Variants in KCNH2 observed in about 807,000 individuals in gnomAD.
KCNH2 encodes the protein potassium voltage-gated channel subfamily H member 2.
KCNH2 carries 35 observed loss-of-function variants against 95.9 expected under a neutral mutation model. That is an observed-to-expected ratio of 0.37 (90% CI 0.28 to 0.48). The LOEUF (loss-of-function observed/expected upper bound fraction) is 0.48, where lower values mean the gene tolerates loss of function less well. Among genes scored for constraint, KCNH2 ranks in the 20% least tolerant of loss-of-function variants. The pLI, the probability that KCNH2 is intolerant of heterozygous loss-of-function variation, is 0.99. For synonymous variants in KCNH2, 786 were observed against 754.7 expected (o/e 1.04, Z -0.68); for missense variants, 1,274 against 1,702.9 (o/e 0.75, Z 4.43).
At chr7:150,971,862 A>G (rs1053942612) in intron 2 of KCNH2, among the ~76,000 whole-genome samples, 1 of 151,558 alleles carries the variant, frequency 6.6e-6, no homozygotes, top group African/African-American at 2.4e-5. Flanking sequence ...GAGAGAAGGG[A>G]CTCTGTGAGG....
intron 9 of KCNH2, chr7:150,949,752 G>T: frequency 8.4e-7 from 1 of 1,189,474 alleles, no homozygotes; most frequent in South Asian, 1.6e-5. Context: ...GTGGGGGGAG[G>T]GGGCAGGACT....
At position 150,957,484 on chromosome 7, in the gene KCNH2, C is replaced by A. The variant is rs747313232; in HGVS notation, c.935G>T (p.Arg312Leu). The A allele has an allele frequency of 6.2e-7, 1 of 1,613,752 alleles. No individual in the cohort carries two copies. Among genetic ancestry groups the A allele is most frequent in the Non-Finnish European group, 8.5e-7 (1 of 1,179,944 alleles). Residue 312 changes from arginine (R) to leucine (L), a missense_variant, in exon 5 of 15, where the codon CGC becomes CTC. Physicochemically the swap from Arg to Leu is moderately radical, Grantham distance 102 (BLOSUM62 -2). Transcript: ENST00000262186. Reference sequence around the variant, plus strand: ...CGAGGTGGAGTTGAGCAAGCCGCTGCGCAGTGGGTGCATGGCCCCTAGGTG... The same window carrying A: ...CGAGGTGGAGTTGAGCAAGCCGCTGAGCAGTGGGTGCATGGCCCCTAGGTG... Reference protein sequence around the residue: ...HASTGAMHPLRSGLLNSTSDS... With the variant: ...HASTGAMHPLLSGLLNSTSDS...
Position 150,947,656 on chromosome 7 carries a change from G to T in KCNH2, c.2915C>A (p.Pro972His), listed in dbSNP as rs1398598921. The change falls in exon 12 of 15, where the codon CCC (proline) becomes CAC (histidine). Residue 972 changes from proline (P) to histidine (H), a missense_variant. Around this residue, in one of 7 missense-constraint regions of KCNH2, gnomAD observed 457 missense variants for 416.1 expected, o/e 1.10. Transcript: ENST00000262186. Reference protein sequence around the residue: ...RPPGEPPGGEPLMEDCEKSSD... With the variant: ...RPPGEPPGGEHLMEDCEKSSD... ...GCTCTTCTCGCAGTCCTCCATCAGG[G>T]GCTCCCCACCCGGCGGCTCTCCGGG... is the stretch of plus-strand genomic sequence containing the variant. The T allele has an allele frequency of 6.2e-7, 1 of 1,611,068 alleles. No individual in the cohort carries two copies. Among genetic ancestry groups the T allele is most frequent in the Non-Finnish European group, 8.5e-7 (1 of 1,178,908 alleles).
chr7:150,948,451 C>A lies in KCNH2; in HGVS notation c.2685G>T (p.Thr895=), dbSNP rs376008424. The stretch of plus-strand genomic sequence containing the variant: ...TCCCCTCCCCCGCCTCACCCTTGTC[C>A]GTGCGCCTGCGGAAGGACAACTTGC... The part of the protein sequence containing the change: ...RKRKLSFRRR[T]DKDTEQPGEV... The change falls in exon 11 of 15, where the codon ACG becomes ACT. Residue 895 remains threonine (T), a synonymous_variant. Transcript: ENST00000262186. 5 of 1,601,334 alleles carry A rather than the reference C, an allele frequency of 3.1e-6. No individual in the cohort carries two copies. Among genetic ancestry groups the A allele is most frequent in the Non-Finnish European group, 4.3e-6 (5 of 1,175,806 alleles).
chr7:150,968,024 C>A (rs952106727), intron 2 of KCNH2, among the ~76,000 whole-genome samples: 1 of 152,184 alleles, frequency 6.6e-6, no homozygotes, highest in African/African-American at 2.4e-5. Flanking sequence ...GGCTACCAGG[C>A]CTAAGAGATG....
At chr7:150,970,965 C>T (rs1264871737) in intron 2 of KCNH2, among the ~76,000 whole-genome samples, 1 of 152,210 alleles carries the variant, frequency 6.6e-6, no homozygotes, top group Non-Finnish European at 1.5e-5. Context: ...AAGCTTCTTT[C>T]ATCCTCAGCT....
Position 150,945,264 on chromosome 7 carries a change from C to T in KCNH2, c.*101G>A. On this transcript the variant is annotated 3_prime_UTR_variant, in exon 15 of 15. Coordinates refer to ENST00000262186, the MANE Select transcript of KCNH2 (RefSeq NM_000238.4). The surrounding 1 kb of genome is among the most constrained non-coding windows in gnomAD (Gnocchi z 5.6). ...GGAGCTGTGCTTTCGAGTTCCTCTC[C>T]CCTTCCACGGTCAGGGCCTCCTGAG... The T allele has an allele frequency of 7.6e-7, 1 of 1,319,146 alleles. No homozygotes were observed. The highest frequency in any genetic ancestry group is 1.4e-5 in the South Asian group (1 of 69,452). 81.7% of individuals were successfully genotyped at this position (1,319,146 alleles called of 1,614,324 possible). A position where few individuals can be genotyped will look rare whatever the true frequency, so the allele number is the denominator to read the frequency against.
chr7:150,946,747 G>C lies in KCNH2; in HGVS notation c.3330+130C>G. ...CCTTCCTCCAGGAGGACAGGGGTGG[G>C]AGGAGGGCAGGAACAAGGTTCAGGG... On this transcript the variant is annotated intron_variant, in intron 14 of 14. Transcript: ENST00000262186. This position sits in a 1 kb window ranked among gnomAD's most constrained non-coding sequence, Gnocchi z 6.5. 1.2e-6 allele frequency: 1 copy of C among 837,712 alleles called. No individual in the cohort carries two copies. Among genetic ancestry groups the C allele is most frequent in the Non-Finnish European group, 1.9e-6 (1 of 534,488 alleles). 51.9% of individuals were successfully genotyped at this position (837,712 alleles called of 1,614,324 possible).
chr7:150,955,535 C>T (rs1399086410), intron 5 of KCNH2: 2 of 1,530,102 alleles, frequency 1.3e-6, no homozygotes, highest in East Asian at 2.5e-5. Flanking sequence ...CCTGCCTGCC[C>T]TGGGGCCTGA....
At position 150,977,938 on chromosome 7, in the gene KCNH2, G is replaced by T. The variant is rs759013707; in HGVS notation, c.-25C>A. 4 of 1,558,912 alleles carry T rather than the reference G, an allele frequency of 2.6e-6. No individual in the cohort carries two copies. The Admixed American group carries it at 5.3e-5, about 21-fold the overall frequency. On this transcript the variant is annotated 5_prime_UTR_variant, in exon 1 of 15. Coordinates refer to ENST00000262186, the MANE Select transcript of KCNH2 (RefSeq NM_000238.4). ...TCCTGAGCCCATGGGCGGGCCGGGC[G>T]GGCCCCCACCCACCCCGGCCCGGCC...
chr7:150,956,959 C>G (rs1001817450), intron 5 of KCNH2, among the ~76,000 whole-genome samples: 31 of 152,176 alleles, frequency 2.0e-4, no homozygotes, highest in African/African-American at 7.0e-4. Context: ...CGCCTTCCCC[C>G]CTTGCTACTG....
Position 150,951,563 on chromosome 7 carries a change from C to T in KCNH2, c.1830G>A (p.Lys610=), listed in dbSNP as rs775838163. The change falls in exon 7 of 15, where the codon AAG becomes AAA. Residue 610 remains lysine (K), a synonymous_variant. Coordinates refer to ENST00000262186, the MANE Select transcript of KCNH2 (RefSeq NM_000238.4). ...AGGTGAAGTAGAGCGCCGTCACATA[C>T]TTGTCCTTGATGGAGGGGCCGCCCA... is the stretch of plus-strand genomic sequence containing the variant. The part of the protein sequence containing the change: ...SGLGGPSIKD[K]YVTALYFTFS... 4 of 1,614,090 alleles carry T rather than the reference C, an allele frequency of 2.5e-6. No individual in the cohort carries two copies. Among genetic ancestry groups the T allele is most frequent in the Non-Finnish European group, 3.4e-6 (4 of 1,180,046 alleles).
intron 5 of KCNH2, chr7:150,955,895 G>A (rs971013292): frequency 6.5e-5 from 59 of 903,628 alleles, no homozygotes; most frequent in Admixed American, 1.3e-4. Context: ...CCGGTGCCCA[G>A]CCAGCGGCCC....
intron 11 of KCNH2, 37 bp downstream of exon 11, chr7:150,948,407 T>TGCCCCCC: frequency 8.2e-7 from 1 of 1,219,312 alleles, no homozygotes. Context: ...CCTCACCTTG[T>TGCCCCCC]CCCCGCCCTC....
At position 150,958,406 on chromosome 7, in the gene KCNH2, G is replaced by GCGCCCGCGC. The variant is rs551056698; in HGVS notation, c.560_568dup (p.Gly187_Gly189dup). ...CACGTCCACCACCACGGCCCCCGGG[G>GCGCCCGCGC]CGCCCGCGCCGCCCGCGCCGCCCGA... On this transcript the variant is annotated inframe_insertion, in exon 4 of 15. Transcript: ENST00000262186. 216 of 1,447,572 alleles carry GCGCCCGCGC rather than the reference G, an allele frequency of 1.5e-4. No individual in the cohort carries two copies. Among genetic ancestry groups the GCGCCCGCGC allele is most frequent in the Non-Finnish European group, 1.8e-4 (201 of 1,108,306 alleles). 89.7% of individuals were successfully genotyped at this position (1,447,572 alleles called of 1,614,324 possible).
At chr7:150,950,147 T>TGGGGGGGGGGGGGGGCGGGGGG in intron 9 of KCNH2, 21 bp downstream of exon 9, 1 of 843,282 alleles carries the variant, frequency 1.2e-6, no homozygotes, top group Non-Finnish European at 1.9e-6. Flanking sequence ...TCCAGTCCAG[T>TGGGGGGGGGGGGGGGCGGGGGG]GCCCGCCCCC....
intron 10 of KCNH2, 43 bp downstream of exon 10, chr7:150,948,813 T>A (rs770644364): frequency 1.9e-6 from 3 of 1,573,986 alleles, no homozygotes; most frequent in Non-Finnish European, 2.6e-6. Flanking sequence ...GCCACACAGC[T>A]GGAAGCAGGA....
At position 150,968,147 on chromosome 7, in the gene KCNH2, T is replaced by A. The variant is rs142264074; in HGVS notation, c.307+6564A>T. Among the ~76,000 whole-genome samples the A allele has an allele frequency of 5.1e-3, 779 of 152,306 alleles. 7 individuals are homozygous for A. The highest frequency in any genetic ancestry group is 0.017 in the African/African-American group (723 of 41,554). ...GATAATGTCGAGAGTGGCCAAGATA[T>A]GCGGGTATGGGAATCTCGAGCTCTG... On this transcript the variant is annotated intron_variant, in intron 2 of 14. Coordinates refer to ENST00000262186, the MANE Select transcript of KCNH2 (RefSeq NM_000238.4).
intron 2 of KCNH2, among the ~76,000 whole-genome samples, chr7:150,968,061 T>G (rs963868671): frequency 6.6e-6 from 1 of 152,204 alleles, no homozygotes; most frequent in African/African-American, 2.4e-5. Flanking sequence ...ATCAAAGGAA[T>G]GCAAATTAAA....
Sources: gnomAD v4.1 joint callset for allele counts (sites outside exome capture counted in the v4.1 genomes callset) on GRCh38, gnomAD v4.1.1 for gene constraint, gnomAD v4.1.1 regional missense constraint, Gnocchi (gnomAD v3.1) non-coding constraint, MANE v1.5 for transcripts, NCBI Gene and HGNC (gene_info 2026-07-23, HGNC 2026-07-21) for gene names.